LYZL4: variants seen among roughly 807,000 people sequenced by gnomAD.
LYZL4 encodes lysozyme-like protein 4.
Under a neutral mutation model 17.6 loss-of-function variants are expected in LYZL4, and 13 were observed. That is an observed-to-expected ratio of 0.74 (90% CI 0.48 to 1.18). The LOEUF is 1.18. LYZL4 is among the 50% of genes most tolerant of loss of function. The probability of loss-of-function intolerance (pLI) is 0.00; values close to 1 mark genes in which losing one functional copy is unlikely to be tolerated. For missense variants in LYZL4, 174 were observed against 188.2 expected (o/e 0.92, Z 0.44); for synonymous variants, 64 against 67.7 (o/e 0.95, Z 0.27).
At chr3:42,380,305 G>A in the LYZL4 span, among the ~76,000 whole-genome samples, 2 of 152,202 alleles carry the variant, frequency 1.3e-5, no homozygotes, top group Non-Finnish European at 2.9e-5. Context: ...AATCTTGTGA[G>A]TGTAAGTTAT....
At chr3:42,402,387 T>C (rs1279595515) in intron 4 of LYZL4, among the ~76,000 whole-genome samples, 3 of 150,598 alleles carry the variant, frequency 2.0e-5, no homozygotes, top group Non-Finnish European at 4.4e-5. Context: ...TGAAAGATAG[T>C]TGCAATACAT....
chr3:42,368,430 A>C, the LYZL4 span, among the ~76,000 whole-genome samples: 1 of 152,362 alleles, frequency 6.6e-6, no homozygotes, highest in African/African-American at 2.4e-5. Flanking sequence ...TCCAGCTGAT[A>C]GTATTCTATG....
the LYZL4 span, among the ~76,000 whole-genome samples, chr3:42,386,239 A>C: frequency 1.3e-5 from 2 of 152,072 alleles, no homozygotes; most frequent in Admixed American, 1.3e-4. Flanking sequence ...AGCAGCTGGG[A>C]TTACAGGCAC....
the LYZL4 span, among the ~76,000 whole-genome samples, chr3:42,366,217 G>T: frequency 6.6e-6 from 1 of 152,148 alleles, no homozygotes; most frequent in Non-Finnish European, 1.5e-5. Flanking sequence ...TCCAGGAAGT[G>T]CTTCTGAACT....
chr3:42,372,572 C>A, the LYZL4 span, among the ~76,000 whole-genome samples: 1 of 152,160 alleles, frequency 6.6e-6, no homozygotes, highest in African/African-American at 2.4e-5. Context: ...CACTGGGCAC[C>A]TTTAAGAGTC....
the LYZL4 span, among the ~76,000 whole-genome samples, chr3:42,386,408 C>CGA: frequency 7.3e-6 from 1 of 136,368 alleles, no homozygotes; most frequent in Non-Finnish European, 1.6e-5. Context: ...CCCCCCCCCC[C>CGA]CCCCGCCTCC....
At chr3:42,386,081 G>A in the LYZL4 span, among the ~76,000 whole-genome samples, 4 of 151,836 alleles carry the variant, frequency 2.6e-5, no homozygotes, top group Non-Finnish European at 5.9e-5. Flanking sequence ...ATCTCCCCCC[G>A]ACCTTCACTC....
At chr3:42,399,217 C>T (rs947188644) in intron 4 of LYZL4, among the ~76,000 whole-genome samples, 1 of 152,190 alleles carries the variant, frequency 6.6e-6, no homozygotes, top group Non-Finnish European at 1.5e-5. Flanking sequence ...GAAACAGGCC[C>T]CTTCATGCAG....
the LYZL4 span, among the ~76,000 whole-genome samples, chr3:42,364,266 G>T: frequency 6.6e-6 from 1 of 151,982 alleles, no homozygotes; most frequent in South Asian, 2.1e-4. Context: ...TCAGCAATGG[G>T]GTGTCCTACA....
At chr3:42,363,936 A>T in the LYZL4 span, among the ~76,000 whole-genome samples, 5 of 152,238 alleles carry the variant, frequency 3.3e-5, no homozygotes, top group Non-Finnish European at 7.3e-5. Flanking sequence ...AGGAAGGTAT[A>T]GGAAAACAGC....
chr3:42,404,914 C>G (rs186981167), intron 3 of LYZL4, among the ~76,000 whole-genome samples: 12 of 152,284 alleles, frequency 7.9e-5, no homozygotes, highest in African/African-American at 2.9e-4. Flanking sequence ...CCCAACTAGA[C>G]TGTGATTGTT....
chr3:42,377,881 T>C, the LYZL4 span, among the ~76,000 whole-genome samples: 1 of 152,196 alleles, frequency 6.6e-6, no homozygotes, highest in Non-Finnish European at 1.5e-5. Flanking sequence ...ATCTGTGGAC[T>C]CAGCAGTGGG....
At chr3:42,381,232 C>A in the LYZL4 span, among the ~76,000 whole-genome samples, 1 of 152,294 alleles carries the variant, frequency 6.6e-6, no homozygotes. Context: ...TGATGTTGGA[C>A]CTTTCCTGTT....
intron 1 of LYZL4, chr3:42,407,554 C>T: frequency 2.6e-6 from 1 of 381,370 alleles, no homozygotes; most frequent in South Asian, 3.6e-5. Flanking sequence ...CAATTCTTTC[C>T]ATCCAGCAAA....
chr3:42,373,596 C>T, the LYZL4 span, among the ~76,000 whole-genome samples: 3 of 152,046 alleles, frequency 2.0e-5, no homozygotes, highest in Admixed American at 2.0e-4. Context: ...TTAAGAACGA[C>T]CACTTTTCTC....
the LYZL4 span, among the ~76,000 whole-genome samples, chr3:42,377,625 C>CTGTGTG: frequency 0.096 from 13,816 of 143,580 alleles, 724 homozygotes; most frequent in Non-Finnish European, 0.11. Context: ...GCATGACTCT[C>CTGTGTG]TGTGTGTGTG....
the LYZL4 span, among the ~76,000 whole-genome samples, chr3:42,378,717 A>C: frequency 6.6e-6 from 1 of 152,240 alleles, no homozygotes; most frequent in East Asian, 1.9e-4. Flanking sequence ...CCTGAAACTC[A>C]TCTCTATATT....
intron 1 of LYZL4, among the ~76,000 whole-genome samples, chr3:42,408,439 C>T (rs1400647623): frequency 1.3e-5 from 2 of 152,204 alleles, no homozygotes; most frequent in Non-Finnish European, 1.5e-5. Flanking sequence ...ATGCCTTTCC[C>T]CATTCAAATG....
Position 42,402,319 on chromosome 3 carries a change from CT to C in LYZL4, c.371+1726del, listed in dbSNP as rs71616046. Reference sequence around the variant, plus strand: ...AGGCCCCATTTCTTTTCTTTTCTTTCTTTTTTTTTTTTTGAGATGTCTCTTA... The same window carrying C: ...AGGCCCCATTTCTTTTCTTTTCTTTCTTTTTTTTTTTTGAGATGTCTCTTA... On this transcript the variant is annotated intron_variant, in intron 4 of 4. Transcript: ENST00000287748. 8.7e-3 allele frequency among the ~76,000 whole-genome samples: 1,197 copies of C among 138,268 alleles called. 9 individuals carry two copies. Among genetic ancestry groups the C allele is most frequent in the South Asian group, 0.035 (158 of 4,514 alleles). The allele number at this position is 138,268 out of a possible 152,430, so 90.7% of individuals were successfully genotyped here. A position where few individuals can be genotyped will look rare whatever the true frequency, so the allele number is the denominator to read the frequency against.
Sources: allele counts gnomAD v4.1 joint callset (sites outside exome capture counted in the v4.1 genomes callset), GRCh38; gene constraint gnomAD v4.1.1; transcripts MANE v1.5; gene names NCBI Gene and HGNC (gene_info 2026-07-23, HGNC 2026-07-21).